RYR2: variants seen among roughly 807,000 people sequenced by gnomAD.
RYR2 encodes the protein ryanodine receptor 2, also known as cardiac muscle ryanodine receptor-calcium release channel.
Under a neutral mutation model 601.1 loss-of-function variants are expected in RYR2, and 227 were observed. The ratio of observed to expected loss-of-function variants is 0.38; its 90% confidence interval spans 0.34 to 0.42. The LOEUF (loss-of-function observed/expected upper bound fraction) is 0.42. RYR2 is among the 10% of genes least tolerant of loss of function. The pLI is 1.00. For synonymous variants in RYR2, 2,223 were observed against 2,175.1 expected (o/e 1.02, Z -0.61); for missense variants, 4,646 against 6,156.5 (o/e 0.75, Z 8.21).
At chr1:237,179,529 A>G (rs922429483) in intron 1 of RYR2, among the ~76,000 whole-genome samples, 1 of 151,790 alleles carries the variant, frequency 6.6e-6, no homozygotes, top group East Asian at 1.9e-4. Flanking sequence ...ATTGATGTCT[A>G]TGAATACCAA....
intron 4 of RYR2, among the ~76,000 whole-genome samples, chr1:237,357,394 C>G (rs1413624816): frequency 6.6e-6 from 1 of 152,140 alleles, no homozygotes; most frequent in African/African-American, 2.4e-5. Flanking sequence ...TGTCTTTTCC[C>G]ATCCTTGCAT....
intron 1 of RYR2, among the ~76,000 whole-genome samples, chr1:237,264,367 A>G (rs1335686907): frequency 6.6e-6 from 1 of 152,078 alleles, no homozygotes; most frequent in African/African-American, 2.4e-5. Flanking sequence ...TTTGCTAACT[A>G]AGGCTTGTAT....
chr1:237,516,826 C>T (rs1666600289), intron 24 of RYR2, among the ~76,000 whole-genome samples: 1 of 152,164 alleles, frequency 6.6e-6, no homozygotes, highest in Non-Finnish European at 1.5e-5. Context: ...GTATACGTCA[C>T]TCTTCCTCCA....
In RYR2 at chr1:237,826,571, C is replaced by T. The variant is rs545600056; in HGVS notation, c.14591-1810C>T. Among the ~76,000 whole-genome samples, 3 of 152,146 alleles carry T rather than the reference C, an allele frequency of 2.0e-5. No individual in the cohort carries two copies. The East Asian group carries it at 5.8e-4, about 29-fold the overall frequency. On this transcript the variant is annotated intron_variant, in intron 101 of 104. Coordinates refer to ENST00000366574, the MANE Select transcript of RYR2 (RefSeq NM_001035.3). ...ACAAGTTGATGGGTACAGCAAAAAC[C>T]ACCATAGCACGTGTATACCTGTGTA...
intron 1 of RYR2, among the ~76,000 whole-genome samples, chr1:237,144,145 A>T (rs558780953): frequency 6.6e-6 from 1 of 152,080 alleles, no homozygotes; most frequent in Non-Finnish European, 1.5e-5. Flanking sequence ...GAAAAAAAAA[A>T]AATTAGACCA....
chr1:237,102,464 A>C (rs1472080999), intron 1 of RYR2, among the ~76,000 whole-genome samples: 1 of 152,218 alleles, frequency 6.6e-6, no homozygotes, highest in African/African-American at 2.4e-5. Context: ...CATTTAGTAA[A>C]GTAGTAAAGT....
At chr1:237,366,749 C>T (rs1034913467) in intron 5 of RYR2, among the ~76,000 whole-genome samples, 16 of 151,594 alleles carry the variant, frequency 1.1e-4, no homozygotes, top group Non-Finnish European at 1.8e-4. Context: ...CCAAGCTTTA[C>T]GGTAAAAGGA....
At chr1:237,205,564 A>G (rs779689310) in intron 1 of RYR2, among the ~76,000 whole-genome samples, 80 of 152,218 alleles carry the variant, frequency 5.3e-4, no homozygotes, top group Admixed American at 1.2e-3. Context: ...AGGGCCACAG[A>G]AAGGTCAGAG....
At chr1:237,347,535 C>T (rs1450000050) in intron 3 of RYR2, among the ~76,000 whole-genome samples, 1 of 152,222 alleles carries the variant, frequency 6.6e-6, no homozygotes, top group South Asian at 2.1e-4. Context: ...TGACGACATA[C>T]TTAACAAATC....
At chr1:237,791,937 C>T in intron 93 of RYR2, 168 bp from the exon 94 acceptor site, 1 of 605,958 alleles carries the variant, frequency 1.7e-6, no homozygotes, top group South Asian at 2.1e-5. Context: ...CATTACTTGC[C>T]TTTGGTTTTT....
At chr1:237,605,075 G>T (rs1017368869) in intron 35 of RYR2, among the ~76,000 whole-genome samples, 18 of 152,210 alleles carry the variant, frequency 1.2e-4, no homozygotes, top group Admixed American at 1.0e-3. Context: ...CATTTTATGA[G>T]GCCAGCATCA....
At chr1:237,369,797 G>T (rs903933989) in intron 6 of RYR2, among the ~76,000 whole-genome samples, 189 bp downstream of exon 6, 3 of 152,100 alleles carry the variant, frequency 2.0e-5, no homozygotes, top group Non-Finnish European at 2.9e-5. Flanking sequence ...TGACTTTTAA[G>T]GTCCTTTAAT....
intron 29 of RYR2, among the ~76,000 whole-genome samples, chr1:237,570,227 A>AAC (rs1672532397): frequency 6.6e-6 from 1 of 151,650 alleles, no homozygotes; most frequent in Non-Finnish European, 1.5e-5. Flanking sequence ...CAAAAAAAAA[A>AAC]AAAAAGATGG....
intron 1 of RYR2, among the ~76,000 whole-genome samples, chr1:237,242,173 TAAACAGTATTTTG>T (rs1686247507): frequency 6.8e-6 from 1 of 147,436 alleles, no homozygotes; most frequent in Admixed American, 7.1e-5. Flanking sequence ...CCAGTATGCC[TAAACAGTATTTTG>T]ATCACTGTTT....
chr1:237,631,840 G>A (rs1018602466), intron 42 of RYR2, among the ~76,000 whole-genome samples: 5 of 145,344 alleles, frequency 3.4e-5, no homozygotes, highest in Admixed American at 7.0e-5. Context: ...GTGTTAGCCA[G>A]GATGGTCTCG....
chr1:237,042,191 C>T lies in RYR2; in HGVS notation c.-331C>T, dbSNP rs1428049687. The T allele has an allele frequency of 6.6e-6, 1 of 152,436 alleles. No individual in the cohort carries two copies. The highest frequency in any genetic ancestry group is 2.1e-4 in the South Asian group (1 of 4,658). 9.4% of individuals were successfully genotyped at this position (152,436 alleles called of 1,614,324 possible). A position where few individuals can be genotyped will look rare whatever the true frequency, so the allele number is the denominator to read the frequency against. ...GCTCAGCTGGCTCCGCGCACTTGCT[C>T]GGAGGAGCCGGGGCCGAGCGGACCG... On this transcript the variant is annotated 5_prime_UTR_variant, in exon 1 of 105. Coordinates refer to ENST00000366574, the MANE Select transcript of RYR2 (RefSeq NM_001035.3).
chr1:237,797,433 T>C (rs186670189), intron 96 of RYR2, among the ~76,000 whole-genome samples: 112 of 152,154 alleles, frequency 7.4e-4, no homozygotes, highest in African/African-American at 2.4e-3. Context: ...AGATGGGCAT[T>C]GTGGCCAGAG....
At chr1:237,390,564 C>T (rs560157000) in intron 10 of RYR2, among the ~76,000 whole-genome samples, 1 of 149,370 alleles carries the variant, frequency 6.7e-6, no homozygotes, top group South Asian at 2.1e-4. Context: ...AGCATTTAGC[C>T]AGATATGATT....
chr1:237,324,696 CGACTCCCCT>C (rs1383283780), intron 2 of RYR2, among the ~76,000 whole-genome samples: 1 of 152,118 alleles, frequency 6.6e-6, no homozygotes, highest in East Asian at 1.9e-4. Context: ...AAGCTCAGCC[CGACTCCCCT>C]GAGGTATCTT....
Sources: gnomAD v4.1 joint callset for allele counts (sites outside exome capture counted in the v4.1 genomes callset) on GRCh38, gnomAD v4.1.1 for gene constraint, MANE v1.5 for transcripts, NCBI Gene and HGNC (gene_info 2026-07-23, HGNC 2026-07-21) for gene names.